The following GPC5 variants were observed in gnomAD, a reference collection of about 807,000 sequenced individuals.
GPC5 encodes glypican-5.
GPC5 carries 47 observed loss-of-function variants against 53.9 expected under a neutral mutation model. The observed-to-expected ratio is 0.87, with a 90% confidence interval of 0.69 to 1.11. The LOEUF (loss-of-function observed/expected upper bound fraction) is 1.11. Ranked by LOEUF, GPC5 falls within the 50% of genes most tolerant of loss-of-function variation. GPC5 has a pLI of 0.00. For missense variants in GPC5, 748 were observed against 713.1 expected (o/e 1.05, Z -0.56); for synonymous variants, 286 against 263.3 (o/e 1.09, Z -0.84).
intron 2 of GPC5, among the ~76,000 whole-genome samples, chr13:91,518,574 A>G (rs1417062965): frequency 6.6e-6 from 1 of 151,998 alleles, no homozygotes; most frequent in African/African-American, 2.4e-5. Context: ...TTTTTTTGAG[A>G]TGGAGTCTCG....
chr13:92,361,189 G>GA (rs963335705), intron 7 of GPC5, among the ~76,000 whole-genome samples: 20 of 151,406 alleles, frequency 1.3e-4, no homozygotes, highest in South Asian at 6.2e-4. Context: ...TCAAATAAAG[G>GA]AAAAAAAACA....
intron 7 of GPC5, among the ~76,000 whole-genome samples, chr13:92,319,933 C>T (rs1408475010): frequency 2.0e-5 from 3 of 152,032 alleles, no homozygotes; most frequent in Non-Finnish European, 2.9e-5. Flanking sequence ...TTTGTCATTG[C>T]TTTGTGTGTA....
intron 6 of GPC5, among the ~76,000 whole-genome samples, chr13:91,959,609 A>G (rs75722754): frequency 0.024 from 3,594 of 152,186 alleles, 141 homozygotes; most frequent in African/African-American, 0.082. Flanking sequence ...ACTACAGGCC[A>G]ATATCCCTGA....
intron 7 of GPC5, among the ~76,000 whole-genome samples, chr13:92,785,866 G>A (rs1254007173): frequency 1.3e-5 from 2 of 152,184 alleles, no homozygotes; most frequent in African/African-American, 2.4e-5. Context: ...CATAGTGCCT[G>A]CCTTATGGGA....
intron 5 of GPC5, among the ~76,000 whole-genome samples, chr13:91,840,956 G>A (rs1033475461): frequency 2.6e-5 from 4 of 151,430 alleles, no homozygotes; most frequent in Admixed American, 2.6e-4. Context: ...TCATAACTGT[G>A]GATATATCCC....
At chr13:92,753,683 G>C (rs887106308) in intron 7 of GPC5, among the ~76,000 whole-genome samples, 3 of 152,078 alleles carry the variant, frequency 2.0e-5, no homozygotes, top group Non-Finnish European at 4.4e-5. Flanking sequence ...CGTGAAGAAT[G>C]CAGAAACCTC....
chr13:92,519,542 G>A (rs1271637664), intron 7 of GPC5, among the ~76,000 whole-genome samples: 9 of 152,194 alleles, frequency 5.9e-5, no homozygotes, highest in African/African-American at 1.9e-4. Context: ...GGTACATAAT[G>A]AAATGAAGGC....
At chr13:91,508,920 C>T (rs2139323699) in intron 2 of GPC5, among the ~76,000 whole-genome samples, 1 of 152,278 alleles carries the variant, frequency 6.6e-6, no homozygotes, top group East Asian at 1.9e-4. Context: ...GGTTAGAAAA[C>T]AGCAGAGCTC....
chr13:91,610,660 T>C (rs1222177596), intron 2 of GPC5, among the ~76,000 whole-genome samples: 1 of 152,242 alleles, frequency 6.6e-6, no homozygotes, highest in African/African-American at 2.4e-5. Flanking sequence ...TAATTCTGCA[T>C]GGAATTTATT....
intron 7 of GPC5, among the ~76,000 whole-genome samples, chr13:92,156,752 T>A (rs2041947837): frequency 6.6e-6 from 1 of 152,136 alleles, no homozygotes; most frequent in African/African-American, 2.4e-5. Context: ...TTTCATTTTA[T>A]AAGTAAATAA....
At chr13:91,637,776 T>C (rs1336781564) in intron 2 of GPC5, among the ~76,000 whole-genome samples, 1 of 152,158 alleles carries the variant, frequency 6.6e-6, no homozygotes, top group Non-Finnish European at 1.5e-5. Context: ...AATCTTGACC[T>C]ACAAAAATGA....
intron 6 of GPC5, among the ~76,000 whole-genome samples, chr13:91,910,181 C>T (rs2039596554): frequency 6.6e-6 from 1 of 152,184 alleles, no homozygotes; most frequent in Non-Finnish European, 1.5e-5. Flanking sequence ...TCATAAACTG[C>T]TCTCCTGGAG....
At chr13:92,414,428 C>G (rs552587410) in intron 7 of GPC5, among the ~76,000 whole-genome samples, 1 of 150,550 alleles carries the variant, frequency 6.6e-6, no homozygotes, top group African/African-American at 2.4e-5. Context: ...TCACTTGAAC[C>G]GGAGAGGTGG....
chr13:92,282,601 T>G (rs2042924370), intron 7 of GPC5, among the ~76,000 whole-genome samples: 2 of 151,672 alleles, frequency 1.3e-5, no homozygotes, highest in African/African-American at 4.8e-5. Context: ...TTCAACATTC[T>G]TAAAGAATTT....
At chr13:91,612,835 C>A (rs895229488) in intron 2 of GPC5, among the ~76,000 whole-genome samples, 1 of 151,974 alleles carries the variant, frequency 6.6e-6, no homozygotes, top group Non-Finnish European at 1.5e-5. Context: ...TTTAGTATAA[C>A]AAAAATAATA....
chr13:91,931,468 T>G (rs2039820937), intron 6 of GPC5, among the ~76,000 whole-genome samples: 1 of 151,996 alleles, frequency 6.6e-6, no homozygotes, highest in Non-Finnish European at 1.5e-5. Flanking sequence ...TCAGCACAAT[T>G]TACACAGAAG....
rs117245579 is a variant in GPC5, at chr13:92,409,733, C to A, written c.1561+264744C>A. On this transcript the variant is annotated intron_variant, in intron 7 of 7. Transcript: ENST00000377067. Reference sequence around the variant, plus strand: ...GACCAAGATGTATGCACAAGATGTTCACTGAAGAATTGTATATTCTGTACT... The same window carrying A: ...GACCAAGATGTATGCACAAGATGTTAACTGAAGAATTGTATATTCTGTACT... 6.6e-5 allele frequency among the ~76,000 whole-genome samples: 10 copies of A among 152,148 alleles called. No homozygotes were observed. In the East Asian group the frequency reaches 1.4e-3, roughly 21 times the overall value.
chr13:91,826,323 C>T (rs1473640066), intron 5 of GPC5, among the ~76,000 whole-genome samples: 1 of 151,926 alleles, frequency 6.6e-6, no homozygotes, highest in East Asian at 1.9e-4. Context: ...CTCTATCTAC[C>T]TAATATATAT....
chr13:92,237,001 T>A (rs552884543), intron 7 of GPC5, among the ~76,000 whole-genome samples: 28 of 152,280 alleles, frequency 1.8e-4, no homozygotes, highest in African/African-American at 6.7e-4. Context: ...CAGATGTTAA[T>A]ACATTTCCTT....
Sources: gnomAD v4.1 joint callset for allele counts (sites outside exome capture counted in the v4.1 genomes callset) on GRCh38, gnomAD v4.1.1 for gene constraint, MANE v1.5 for transcripts, NCBI Gene and HGNC (gene_info 2026-07-23, HGNC 2026-07-21) for gene names.